WNK2: variants seen among roughly 807,000 people sequenced by gnomAD.
WNK2 encodes serine/threonine-protein kinase WNK2.
WNK2 carries 67 observed loss-of-function variants against 192.1 expected under a neutral mutation model. The ratio of observed to expected loss-of-function variants is 0.35; its 90% CI spans 0.29 to 0.43. The LOEUF (loss-of-function observed/expected upper bound fraction) is 0.43. Ranked by LOEUF, WNK2 falls within the 20% of genes least tolerant of loss-of-function variation. The probability of loss-of-function intolerance (pLI) is 1.00; values close to 1 mark genes in which losing one functional copy is unlikely to be tolerated. For missense variants in WNK2, 2,698 were observed against 3,089.7 expected (o/e 0.87, Z 3.01); for synonymous variants, 1,439 against 1,393.9 (o/e 1.03, Z -0.72).
At position 93,261,905 on chromosome 9, in the gene WNK2, C is replaced by G. The variant is rs1334279074; in HGVS notation, c.3158C>G (p.Pro1053Arg). The change falls in exon 13 of 30, where the codon CCT (proline) becomes CGT (arginine). Residue 1053 changes from proline (P) to arginine (R), a missense_variant. Around this residue, in one of 7 missense-constraint regions of WNK2, gnomAD observed 893 missense variants for 909.0 expected, o/e 0.98. Transcript: ENST00000427277. ...PVPPAAVLSP[P>R]LPEVLLPAAP... is the part of the protein sequence containing the mutation. ...CCACCGGCTGCGGTCCTCTCGCCGC[C>G]TCTGCCGGAAGTGCTGCTGCCTGCC... The G allele has an allele frequency of 3.7e-6, 6 of 1,606,428 alleles. No homozygotes were observed. The highest frequency in any genetic ancestry group is 5.1e-6 in the Non-Finnish European group (6 of 1,179,734).
chr9:93,186,314 C>G (rs2130861090), intron 2 of WNK2, among the ~76,000 whole-genome samples: 1 of 152,276 alleles, frequency 6.6e-6, no homozygotes, highest in African/African-American at 2.4e-5. Flanking sequence ...GGGGGTTTTT[C>G]TTGGCTGCAG....
intron 7 of WNK2, among the ~76,000 whole-genome samples, chr9:93,246,536 C>T (rs1841730493): frequency 6.6e-6 from 1 of 152,220 alleles, no homozygotes; most frequent in Non-Finnish European, 1.5e-5. Context: ...CAAAAAGGTT[C>T]CTGTTGAAAA....
chr9:93,306,649 C>G (rs1182252552), intron 26 of WNK2, 128 bp from the exon 27 acceptor site: 3 of 1,249,584 alleles, frequency 2.4e-6, no homozygotes, highest in Non-Finnish European at 3.5e-6. Context: ...TCGGCCCTCT[C>G]TCTGAACTGC....
chr9:93,217,283 G>A (rs1169913773), intron 2 of WNK2, among the ~76,000 whole-genome samples: 5 of 152,174 alleles, frequency 3.3e-5, no homozygotes, highest in African/African-American at 4.8e-5. Flanking sequence ...AAGATACTAC[G>A]CCGCTGCCAC....
chr9:93,262,912 GT>G (rs1295274292), intron 14 of WNK2, among the ~76,000 whole-genome samples, 193 bp downstream of exon 14: 1 of 152,242 alleles, frequency 6.6e-6, no homozygotes, highest in Admixed American at 6.5e-5. Context: ...TGTTGTTGGA[GT>G]TTGGTAGCCA....
At position 93,289,368 on chromosome 9, in the gene WNK2, G is replaced by C. The variant is rs531755309; in HGVS notation, c.4614G>C (p.Pro1538=). The C allele has an allele frequency of 6.2e-7, 1 of 1,611,644 alleles. No homozygotes were observed. Among genetic ancestry groups the C allele is most frequent in the East Asian group, 2.2e-5 (1 of 44,834 alleles). Residue 1538 remains proline, a synonymous_variant, in exon 20 of 30, where the codon CCG becomes CCC. Coordinates refer to ENST00000427277, the MANE Select transcript of WNK2 (RefSeq NM_006648.4). ...PSALESDGEG[P]PPRVGFVDST... ...CCCTGGAGTCGGATGGGGAAGGGCC[G>C]CCCCCCAGGGTGGGCTTTGTGGACA...
intron 7 of WNK2, among the ~76,000 whole-genome samples, chr9:93,245,524 T>C (rs1240112359): frequency 6.6e-6 from 1 of 152,246 alleles, no homozygotes; most frequent in African/African-American, 2.4e-5. Context: ...GGTGCACAGC[T>C]TCACCCGCCA....
chr9:93,251,556 A>G (rs1000775860), intron 8 of WNK2, among the ~76,000 whole-genome samples: 50 of 152,184 alleles, frequency 3.3e-4, no homozygotes, highest in African/African-American at 1.2e-3. Flanking sequence ...CAAAAGATAG[A>G]AAAATTAGCC....
chr9:93,220,785 G>A (rs1396249171), intron 2 of WNK2, among the ~76,000 whole-genome samples: 1 of 152,150 alleles, frequency 6.6e-6, no homozygotes, highest in Non-Finnish European at 1.5e-5. Context: ...CCTTGGGAAG[G>A]CTCCTGCCTG....
In WNK2 at chr9:93,262,166, T is replaced by C. The variant is rs75905684; in HGVS notation, c.3360+59T>C. ...TGGGCAGTTGCGGCCACCGGGGATC[T>C]GCATAGTGACCTGGGGTCTTAGTCC... is the stretch of plus-strand genomic sequence containing the variant. On this transcript the variant is annotated intron_variant, in intron 13 of 29. Coordinates refer to ENST00000427277, the MANE Select transcript of WNK2 (RefSeq NM_006648.4). 5.9e-3 allele frequency: 8,949 copies of C among 1,510,094 alleles called. 486 individuals are homozygous for C. The African/African-American group carries it at 0.11, about 18-fold the overall frequency. 93.5% of individuals were successfully genotyped at this position (1,510,094 alleles called of 1,614,324 possible).
intron 19 of WNK2, among the ~76,000 whole-genome samples, chr9:93,281,800 CCCTG>C (rs1417558475): frequency 6.6e-6 from 1 of 152,134 alleles, no homozygotes; most frequent in Non-Finnish European, 1.5e-5. Flanking sequence ...GTTTGGAAGC[CCCTG>C]TCTCAGTACA....
chr9:93,261,884 C>G lies in WNK2; in HGVS notation c.3137C>G (p.Pro1046Arg). Residue 1046 changes from proline (P) to arginine (R), a missense_variant, in exon 13 of 30, where the codon CCG (proline) becomes CGG (arginine). By Grantham distance (103) the Pro-to-Arg change is moderately radical. Coordinates refer to ENST00000427277, the MANE Select transcript of WNK2 (RefSeq NM_006648.4). The part of the protein sequence containing the change: ...AAQVPTVPVP[P>R]AAVLSPPLPE... ...CAGGTCCCCACCGTGCCTGTGCCAC[C>G]GGCTGCGGTCCTCTCGCCGCCTCTG... 1 of 1,602,228 alleles carries G rather than the reference C, an allele frequency of 6.2e-7. No homozygotes were observed. Among genetic ancestry groups the G allele is most frequent in the East Asian group, 2.2e-5 (1 of 44,868 alleles).
chr9:93,244,191 G>T (rs559144535), intron 7 of WNK2, among the ~76,000 whole-genome samples: 1 of 152,370 alleles, frequency 6.6e-6, no homozygotes, highest in African/African-American at 2.4e-5. Flanking sequence ...GAGGGTGGGA[G>T]AGAATGCAGA....
rs1845463879 is a variant in WNK2, at chr9:93,268,172, T to C, written c.3913+107T>C. 2.0e-6 allele frequency: 3 copies of C among 1,471,268 alleles called. No homozygotes were observed. The Admixed American group carries it at 6.0e-5, about 29-fold the overall frequency. The allele number at this position is 1,471,268 out of a possible 1,614,324, so 91.1% of individuals were successfully genotyped here. A position where few individuals can be genotyped will look rare whatever the true frequency, so the allele number is the denominator to read the frequency against. ...ATTGCTTGGGGGGATTATGGAAGCATGTGGTGACCAGGGGCCCCAGTCTGG... is the reference window on the plus strand; with the variant it reads ...ATTGCTTGGGGGGATTATGGAAGCACGTGGTGACCAGGGGCCCCAGTCTGG... On this transcript the variant is annotated intron_variant, in intron 18 of 29. Transcript: ENST00000427277.
intron 20 of WNK2, 117 bp downstream of exon 20, chr9:93,289,737 T>C (rs1849020821): frequency 2.7e-6 from 3 of 1,127,690 alleles, no homozygotes; most frequent in Non-Finnish European, 1.2e-6. Flanking sequence ...TCAGGGCCCG[T>C]CCCTCTCTTG....
At chr9:93,226,915 G>T (rs989219260) in intron 2 of WNK2, among the ~76,000 whole-genome samples, 1 of 152,232 alleles carries the variant, frequency 6.6e-6, no homozygotes, top group Non-Finnish European at 1.5e-5. Flanking sequence ...GAATTATGCT[G>T]CTTCCAATAT....
At chr9:93,224,422 C>G (rs985369249) in intron 2 of WNK2, among the ~76,000 whole-genome samples, 1 of 152,220 alleles carries the variant, frequency 6.6e-6, no homozygotes, top group African/African-American at 2.4e-5. Context: ...CTCTGATGCT[C>G]TCAGTCAACA....
At chr9:93,293,320 G>A in intron 23 of WNK2, 147 bp downstream of exon 23, 2 of 628,080 alleles carry the variant, frequency 3.2e-6, no homozygotes, top group South Asian at 4.0e-5. Flanking sequence ...GAGTGATGAA[G>A]GCTTTTTTTT....
In WNK2 at chr9:93,298,068, G is replaced by C; in HGVS notation, c.5923+1G>C. On this transcript the variant is annotated splice_donor_variant, in intron 24 of 29. Transcript: ENST00000427277. LOFTEE classifies it high-confidence loss of function. ...CTCAAGGTCGTGGCCTCCAGCACAG[G>C]TCGGCCTCCGGGTGCAGGGCTGGGA... The C allele has an allele frequency of 6.5e-7, 1 of 1,549,238 alleles. No homozygotes were observed. Among genetic ancestry groups the C allele is most frequent in the East Asian group, 2.4e-5 (1 of 40,916 alleles).
Sources: allele counts gnomAD v4.1 joint callset (sites outside exome capture counted in the v4.1 genomes callset), GRCh38; gene constraint gnomAD v4.1.1; regional missense constraint gnomAD v4.1.1; transcripts MANE v1.5; gene names NCBI Gene and HGNC (gene_info 2026-07-23, HGNC 2026-07-21).